The following DIAPH3 variants were observed in gnomAD, a reference collection of about 807,000 sequenced individuals.
DIAPH3 encodes the protein diaphanous related formin 3.
Under a neutral mutation model 144.3 loss-of-function variants are expected in DIAPH3, and 117 were observed. The observed-to-expected ratio is 0.81, with a 90% CI of 0.70 to 0.95. The LOEUF (loss-of-function observed/expected upper bound fraction) is 0.95, where lower values mean the gene tolerates loss of function less well. Ranked by LOEUF, DIAPH3 falls within the 40% of genes least tolerant of loss-of-function variation. The pLI is 0.00. For synonymous variants in DIAPH3, 519 were observed against 488.9 expected, an observed-to-expected ratio of 1.06 and a Z score of -0.81; for missense variants, 1,421 against 1,412.7, an observed-to-expected ratio of 1.01 and a Z score of -0.09.
At chr13:59,741,375 C>T (rs554735649) in intron 27 of DIAPH3, among the ~76,000 whole-genome samples, 72 of 152,298 alleles carry the variant, frequency 4.7e-4, no homozygotes, top group African/African-American at 1.7e-3. Context: ...GTGAGTTTCT[C>T]ATATTCCACC....
At chr13:59,937,382 C>T (rs1235980598) in intron 17 of DIAPH3, among the ~76,000 whole-genome samples, 4 of 152,164 alleles carry the variant, frequency 2.6e-5, no homozygotes, top group African/African-American at 9.7e-5. Context: ...TTTAGAAGAA[C>T]TAAATCCAAA....
chr13:59,987,476 A>T (rs1272225693), intron 12 of DIAPH3, among the ~76,000 whole-genome samples: 3 of 84,524 alleles, frequency 3.5e-5, no homozygotes, highest in African/African-American at 5.9e-5. Context: ...AAAGTATAAT[A>T]AAAAAAAAAA....
intron 17 of DIAPH3, among the ~76,000 whole-genome samples, chr13:59,926,489 A>G (rs1014097986): frequency 6.6e-6 from 1 of 152,086 alleles, no homozygotes; most frequent in Non-Finnish European, 1.5e-5. Context: ...TATATTCTAA[A>G]GGTTTTGGTA....
chr13:59,809,363 TG>T (rs1380346318), intron 25 of DIAPH3, among the ~76,000 whole-genome samples: 2 of 152,072 alleles, frequency 1.3e-5, no homozygotes, highest in African/African-American at 4.8e-5. Flanking sequence ...TAGCCGGGCA[TG>T]GTGGCGGGCC....
intron 22 of DIAPH3, among the ~76,000 whole-genome samples, chr13:59,841,351 G>A (rs1368714057): frequency 6.6e-6 from 1 of 151,998 alleles, no homozygotes; most frequent in African/African-American, 2.4e-5. Flanking sequence ...AGCACTTTAG[G>A]AGCTGAGGTA....
intron 27 of DIAPH3, among the ~76,000 whole-genome samples, chr13:59,678,455 TACAG>T (rs763154155): frequency 5.3e-5 from 8 of 152,184 alleles, no homozygotes; most frequent in Non-Finnish European, 8.8e-5. Context: ...TTTACAGGTT[TACAG>T]ACAAGTGGCT....
rs2051861036 is a variant in DIAPH3, at chr13:59,992,115, ATCT to A, written c.1194_1196del (p.Glu398del). 5 of 1,611,916 alleles carry A rather than the reference ATCT, an allele frequency of 3.1e-6. No individual in the cohort carries two copies. Among genetic ancestry groups the A allele is most frequent in the Non-Finnish European group, 4.2e-6 (5 of 1,178,816 alleles). On this transcript the variant is annotated inframe_deletion, in exon 11 of 28. Coordinates refer to ENST00000400324, the MANE Select transcript of DIAPH3 (RefSeq NM_001042517.2). The stretch of plus-strand genomic sequence containing the variant: ...CAAGGCGATGGGATAACTCAAACAA[ATCT>A]TCTTCTTTATGCTCATCAAAGACTT...
chr13:59,774,859 C>T (rs1432376089), intron 25 of DIAPH3, 36 bp from the exon 26 acceptor site: 1 of 1,555,312 alleles, frequency 6.4e-7, no homozygotes, highest in South Asian at 1.1e-5. Flanking sequence ...CATCAGCCCT[C>T]AGGGTTACCA....
chr13:59,960,088 T>C (rs146098656), intron 17 of DIAPH3, among the ~76,000 whole-genome samples: 1 of 152,164 alleles, frequency 6.6e-6, no homozygotes, highest in South Asian at 2.1e-4. Context: ...TAATACAGAA[T>C]GTAAAATTCT....
chr13:59,972,498 A>G (rs2050443630), intron 15 of DIAPH3, among the ~76,000 whole-genome samples: 1 of 152,174 alleles, frequency 6.6e-6, no homozygotes, highest in South Asian at 2.1e-4. Context: ...ATTATGAAAA[A>G]TAGACCATGT....
chr13:59,810,930 A>T lies in DIAPH3; in HGVS notation c.3028-7T>A. On this transcript the variant is annotated splice_region_variant and splice_polypyrimidine_tract_variant and intron_variant, in intron 24 of 27. Transcript: ENST00000400324. ...TATTCTCCTTTATTGCTTGCTAAAA[A>T]AATTTTGAAAAATGATCAATTTTAA... The T allele has an allele frequency of 1.2e-6, 1 of 869,228 alleles. No homozygotes were observed. The highest frequency in any genetic ancestry group is 1.7e-6 in the Non-Finnish European group (1 of 594,212). 53.8% of individuals were successfully genotyped at this position (869,228 alleles called of 1,614,324 possible).
At chr13:59,678,946 A>G (rs1361034521) in intron 27 of DIAPH3, among the ~76,000 whole-genome samples, 1 of 152,222 alleles carries the variant, frequency 6.6e-6, no homozygotes, top group Non-Finnish European at 1.5e-5. Flanking sequence ...ATGACAACTC[A>G]GGATAAATAG....
chr13:59,758,350 G>T (rs751437347), intron 27 of DIAPH3, among the ~76,000 whole-genome samples: 76 of 152,284 alleles, frequency 5.0e-4, no homozygotes, highest in Non-Finnish European at 9.4e-4. Flanking sequence ...CCTTATAGTG[G>T]AATACTAAAC....
chr13:60,036,299 G>A (rs746331411), intron 5 of DIAPH3, among the ~76,000 whole-genome samples: 4 of 152,102 alleles, frequency 2.6e-5, no homozygotes, highest in Admixed American at 1.3e-4. Context: ...CAGAACCAAG[G>A]CCCCTTAGGC....
At chr13:60,051,945 CG>C (rs1259283553) in intron 4 of DIAPH3, among the ~76,000 whole-genome samples, 3 of 152,046 alleles carry the variant, frequency 2.0e-5, no homozygotes, top group African/African-American at 7.2e-5. Context: ...GGTAGGATAT[CG>C]GAGCACTGTT....
At chr13:59,708,868 C>G (rs2034571449) in intron 27 of DIAPH3, among the ~76,000 whole-genome samples, 1 of 151,950 alleles carries the variant, frequency 6.6e-6, no homozygotes, top group South Asian at 2.1e-4. Flanking sequence ...GCTATTTATT[C>G]TGGATTTTAA....
At chr13:59,975,277 C>T (rs962896663) in intron 14 of DIAPH3, among the ~76,000 whole-genome samples, 1 of 151,726 alleles carries the variant, frequency 6.6e-6, no homozygotes, top group Non-Finnish European at 1.5e-5. Context: ...TACACTCAAA[C>T]CTTAATTAGG....
At chr13:59,844,866 C>T (rs1191406442) in intron 22 of DIAPH3, among the ~76,000 whole-genome samples, 1 of 152,094 alleles carries the variant, frequency 6.6e-6, no homozygotes, top group African/African-American at 2.4e-5. Context: ...GCAAAAGGAC[C>T]ATAAATCCCA....
chr13:59,917,793 A>G (rs2140268677), intron 18 of DIAPH3, among the ~76,000 whole-genome samples: 1 of 149,248 alleles, frequency 6.7e-6, no homozygotes, highest in Non-Finnish European at 1.5e-5. Flanking sequence ...GGGAGGCTGA[A>G]GCAGAAGTAT....
Sources: allele counts gnomAD v4.1 joint callset (sites outside exome capture counted in the v4.1 genomes callset), GRCh38; gene constraint gnomAD v4.1.1; transcripts MANE v1.5; gene names NCBI Gene and HGNC (gene_info 2026-07-23, HGNC 2026-07-21).